The following PPFIBP2 variants were observed in gnomAD, a reference collection of about 807,000 sequenced individuals.
PPFIBP2 encodes liprin-beta-2.
In PPFIBP2, 118 loss-of-function variants were observed where a neutral mutation model predicts 118.3. The ratio of observed to expected loss-of-function variants is 1.00; its 90% CI spans 0.86 to 1.16. The LOEUF is 1.16. PPFIBP2 is among the 50% of genes most tolerant of loss of function. The probability of loss-of-function intolerance (pLI) is 0.00; values close to 1 mark genes in which losing one functional copy is unlikely to be tolerated. For synonymous variants in PPFIBP2, 414 were observed against 397.4 expected (o/e 1.04, Z -0.50); for missense variants, 1,195 against 1,073.1 (o/e 1.11, Z -1.59).
chr11:7,522,249 A>G (rs1370580886), intron 1 of PPFIBP2, among the ~76,000 whole-genome samples: 2 of 152,132 alleles, frequency 1.3e-5, no homozygotes, highest in African/African-American at 4.8e-5. Flanking sequence ...GACTGATTGT[A>G]TTTGAGGGAA....
At chr11:7,580,928 C>G (rs1224914626) in intron 3 of PPFIBP2, among the ~76,000 whole-genome samples, 1 of 152,204 alleles carries the variant, frequency 6.6e-6, no homozygotes, top group Non-Finnish European at 1.5e-5. Flanking sequence ...AGAATTGCCT[C>G]TCAGGCCATT....
chr11:7,580,096 C>T (rs986219415), intron 3 of PPFIBP2, among the ~76,000 whole-genome samples: 2 of 152,162 alleles, frequency 1.3e-5, no homozygotes, highest in Non-Finnish European at 2.9e-5. Flanking sequence ...CCTCAACTTA[C>T]CTTTTTAGTT....
chr11:7,519,936 C>A (rs1163984716), intron 1 of PPFIBP2, among the ~76,000 whole-genome samples: 1 of 152,194 alleles, frequency 6.6e-6, no homozygotes, highest in Non-Finnish European at 1.5e-5. Flanking sequence ...AGTGACTGAT[C>A]TGCATGCACA....
chr11:7,517,214 C>G, intron 1 of PPFIBP2, among the ~76,000 whole-genome samples: 1 of 152,252 alleles, frequency 6.6e-6, no homozygotes, highest in South Asian at 2.1e-4. Context: ...AATTAGAGAA[C>G]TGTTGTCCGG....
At chr11:7,665,603 C>G in the PPFIBP2 span, 1 of 1,524,430 alleles carries the variant, frequency 6.6e-7, no homozygotes, top group Non-Finnish European at 8.8e-7. Context: ...GTTCCTGATC[C>G]CAGGCCGCCT....
intron 14 of PPFIBP2, 28 bp downstream of exon 14, chr11:7,635,621 A>C (rs1240157806): frequency 1.3e-6 from 2 of 1,583,724 alleles, no homozygotes; most frequent in South Asian, 2.2e-5. Context: ...CCCGTCGTCT[A>C]TTTGTGGTTA....
At position 7,653,484 on chromosome 11, in the gene PPFIBP2, C is replaced by T. The variant is rs11545559; in HGVS notation, c.*266C>T. The T allele has an allele frequency of 6.9e-7, 1 of 1,440,236 alleles. No individual in the cohort carries two copies. The highest frequency in any genetic ancestry group is 9.2e-7 in the Non-Finnish European group (1 of 1,086,714). The allele number at this position is 1,440,236 out of a possible 1,614,324, so 89.2% of individuals were successfully genotyped here. ...AGACACTTTTACATGTCTAGTAATT[C>T]TTGATGTTCATCTTCAGCACCAGTG... On this transcript the variant is annotated 3_prime_UTR_variant, in exon 24 of 24. Coordinates refer to ENST00000299492, the MANE Select transcript of PPFIBP2 (RefSeq NM_003621.5).
intron 17 of PPFIBP2, among the ~76,000 whole-genome samples, chr11:7,647,821 G>A (rs145605879): frequency 2.0e-5 from 3 of 152,270 alleles, no homozygotes; most frequent in Non-Finnish European, 4.4e-5. Flanking sequence ...TCAGACCAGT[G>A]TTGTTAGTAC....
intron 6 of PPFIBP2, among the ~76,000 whole-genome samples, chr11:7,619,593 T>A (rs2135594817): frequency 6.6e-6 from 1 of 152,334 alleles, no homozygotes; most frequent in East Asian, 1.9e-4. Context: ...GAGCAACCAA[T>A]GAATTGACTG....
intron 6 of PPFIBP2, among the ~76,000 whole-genome samples, chr11:7,614,492 A>G (rs7129654): frequency 0.12 from 19,030 of 152,266 alleles, 1,467 homozygotes; most frequent in African/African-American, 0.21. Context: ...CCATCCAACA[A>G]TAGCCTAATT....
rs573121446 is a variant in PPFIBP2 at position 7,525,902 on chromosome 11, A to C, written c.-37+11781A>C. Reference sequence around the variant, plus strand: ...TGGAGGGGCCCAAGGACAGTCAGGAAGATATAGGGGAATGACTGCTATTTT... The same window carrying C: ...TGGAGGGGCCCAAGGACAGTCAGGACGATATAGGGGAATGACTGCTATTTT... On this transcript the variant is annotated intron_variant, in intron 1 of 23. Transcript: ENST00000299492. 3.3e-5 allele frequency among the ~76,000 whole-genome samples: 5 copies of C among 152,334 alleles called. No homozygotes were observed. The South Asian group carries it at 8.3e-4, about 25-fold the overall frequency.
At chr11:7,556,193 C>T (rs948186068) in intron 2 of PPFIBP2, among the ~76,000 whole-genome samples, 2 of 152,122 alleles carry the variant, frequency 1.3e-5, no homozygotes, top group Non-Finnish European at 2.9e-5. Flanking sequence ...CAGTGGCTAA[C>T]GCTTGTAATC....
intron 4 of PPFIBP2, chr11:7,597,338 A>G (rs1467937110): frequency 2.0e-6 from 3 of 1,535,608 alleles, no homozygotes; most frequent in Non-Finnish European, 2.6e-6. Flanking sequence ...AACGTGACCC[A>G]TGTCATCAGA....
intron 3 of PPFIBP2, among the ~76,000 whole-genome samples, chr11:7,572,435 C>CCTGA (rs1460366904): frequency 6.6e-6 from 1 of 152,222 alleles, no homozygotes; most frequent in African/African-American, 2.4e-5. Context: ...TCCTTTCAGA[C>CCTGA]CTGACCTAAA....
chr11:7,665,823 ATACCGAGGTG>A, the PPFIBP2 span: 2 of 1,532,770 alleles, frequency 1.3e-6, no homozygotes, highest in East Asian at 4.9e-5. Flanking sequence ...ACAACGAGGT[ATACCGAGGTG>A]TGTGAATCAG....
intron 2 of PPFIBP2, among the ~76,000 whole-genome samples, chr11:7,556,264 G>A (rs12277085): frequency 0.029 from 4,436 of 152,166 alleles, 167 homozygotes; most frequent in African/African-American, 0.089. Context: ...GACCATCCTG[G>A]CTAACACAGT....
At chr11:7,662,191 T>C in the PPFIBP2 span, among the ~76,000 whole-genome samples, 2 of 151,892 alleles carry the variant, frequency 1.3e-5, no homozygotes, top group Admixed American at 6.6e-5. Context: ...CCTGTCATTA[T>C]GATGTTAGCT....
intron 6 of PPFIBP2, among the ~76,000 whole-genome samples, chr11:7,617,641 C>G (rs1167273893): frequency 6.6e-6 from 1 of 152,076 alleles, no homozygotes; most frequent in Non-Finnish European, 1.5e-5. Context: ...ACTGATTCCT[C>G]TTCCCAGGCT....
the PPFIBP2 span, among the ~76,000 whole-genome samples, chr11:7,663,502 C>A: frequency 6.6e-6 from 1 of 152,270 alleles, no homozygotes; most frequent in African/African-American, 2.4e-5. Context: ...GCAGTCTGCC[C>A]GTTCTCAGAT....
Sources: allele counts gnomAD v4.1 joint callset (sites outside exome capture counted in the v4.1 genomes callset), GRCh38; gene constraint gnomAD v4.1.1; transcripts MANE v1.5; gene names NCBI Gene and HGNC (gene_info 2026-07-23, HGNC 2026-07-21).